Variants in WDPCP observed in about 807,000 individuals in gnomAD.
WDPCP encodes the protein WD repeat-containing and planar cell polarity effector protein fritz homolog.
WDPCP carries 71 observed loss-of-function variants against 93.1 expected under a neutral mutation model. The observed-to-expected ratio is 0.76, with a 90% CI of 0.63 to 0.93. The LOEUF is 0.93. Among genes scored for constraint, WDPCP ranks in the 40% least tolerant of loss-of-function variants. The probability of loss-of-function intolerance (pLI) is 0.00; values close to 1 mark genes in which losing one functional copy is unlikely to be tolerated. For synonymous variants in WDPCP, 315 were observed against 315.0 expected (o/e 1.00, Z 0.00); for missense variants, 844 against 887.4 (o/e 0.95, Z 0.62).
chr2:63,811,279 A>G (rs545484540), intron 2 of WDPCP, among the ~76,000 whole-genome samples: 6 of 152,326 alleles, frequency 3.9e-5, no homozygotes, highest in African/African-American at 1.4e-4. Flanking sequence ...TATAACTAAT[A>G]AAATACGGCA....
chr2:63,468,257 C>G (rs1230156113), intron 6 of WDPCP, among the ~76,000 whole-genome samples: 1 of 152,180 alleles, frequency 6.6e-6, no homozygotes, highest in Non-Finnish European at 1.5e-5. Flanking sequence ...TCTTCATCAT[C>G]TTTCACATCT....
intron 12 of WDPCP, among the ~76,000 whole-genome samples, chr2:63,351,462 G>A (rs555943202): frequency 1.5e-4 from 23 of 151,736 alleles, no homozygotes; most frequent in African/African-American, 3.6e-4. Flanking sequence ...AGTGTCTGTC[G>A]TTCCCATATT....
Position 63,518,847 on chromosome 2 carries a change from T to A in WDPCP, c.76-25907A>T, listed in dbSNP as rs575151860. On this transcript the variant is annotated intron_variant, in intron 1 of 17. Transcript: ENST00000272321. ...TGCAGGGGCAAACTGGATCTGACCATTAGAGCACTCCAGCAGAGCGGCCCC... is the reference window on the plus strand; with the variant it reads ...TGCAGGGGCAAACTGGATCTGACCAATAGAGCACTCCAGCAGAGCGGCCCC... The A allele has an allele frequency of 1.5e-4, 23 of 152,422 alleles. No homozygotes were observed. In the East Asian group the frequency reaches 4.3e-3, roughly 28 times the overall value. The allele number at this position is 152,422 out of a possible 1,614,324, so 9.4% of individuals were successfully genotyped here. A position where few individuals can be genotyped will look rare whatever the true frequency, so the allele number is the denominator to read the frequency against.
At chr2:63,702,697 C>A (rs1332794878) in intron 2 of WDPCP, among the ~76,000 whole-genome samples, 1 of 149,668 alleles carries the variant, frequency 6.7e-6, no homozygotes, top group Non-Finnish European at 1.5e-5. Context: ...ACCACCACAT[C>A]CAGCTAATTT....
chr2:63,389,508 C>A (rs954004184), intron 10 of WDPCP, among the ~76,000 whole-genome samples: 1 of 152,028 alleles, frequency 6.6e-6, no homozygotes, highest in African/African-American at 2.4e-5. Flanking sequence ...GCAAAATAAC[C>A]AGCTAACATC....
intron 2 of WDPCP, among the ~76,000 whole-genome samples, chr2:63,727,279 C>T (rs1669507196): frequency 6.6e-6 from 1 of 152,044 alleles, no homozygotes; most frequent in Non-Finnish European, 1.5e-5. Context: ...TTATTGAAAG[C>T]CTTTTCTGAG....
At chr2:63,277,427 G>A (rs1683173151) in intron 13 of WDPCP, among the ~76,000 whole-genome samples, 1 of 152,146 alleles carries the variant, frequency 6.6e-6, no homozygotes, top group Non-Finnish European at 1.5e-5. Flanking sequence ...AATGTAAATG[G>A]CCTAAATGCT....
chr2:63,678,341 C>T (rs770234053), intron 2 of WDPCP, among the ~76,000 whole-genome samples: 24 of 152,174 alleles, frequency 1.6e-4, no homozygotes, highest in Non-Finnish European at 2.6e-4. Flanking sequence ...CCCAAAACCA[C>T]ATATCAAACT....
chr2:63,123,723 C>T (rs143072073), intron 17 of WDPCP, among the ~76,000 whole-genome samples: 1 of 151,942 alleles, frequency 6.6e-6, no homozygotes, highest in East Asian at 1.9e-4. Flanking sequence ...AAAACATAAT[C>T]ATTAAATAAA....
rs983006311 is a variant in WDPCP at position 63,682,688 on chromosome 2, G to A, written n.309-31850C>T. Reference sequence around the variant, plus strand: ...AGATATAAATATCCAAGTACAAGAAGCTTATAGAACACCAAGCAGATTTAA... The same window carrying A: ...AGATATAAATATCCAAGTACAAGAAACTTATAGAACACCAAGCAGATTTAA... On this transcript the variant is annotated intron_variant and non_coding_transcript_variant, in intron 2 of 4. Coordinates refer to the WDPCP transcript ENST00000467687. Among the ~76,000 whole-genome samples, 7 of 151,996 alleles carry A rather than the reference G, an allele frequency of 4.6e-5. 1 individual carries two copies. Among genetic ancestry groups the A allele is most frequent in the Admixed American group, 3.3e-4 (5 of 15,248 alleles).
At chr2:63,715,094 C>G (rs768494888) in intron 2 of WDPCP, among the ~76,000 whole-genome samples, 1 of 152,120 alleles carries the variant, frequency 6.6e-6, no homozygotes, top group Non-Finnish European at 1.5e-5. Context: ...TGAAATATCC[C>G]GAATAGGTAA....
chr2:63,464,432 G>A (rs185833932), intron 6 of WDPCP, among the ~76,000 whole-genome samples: 1 of 152,204 alleles, frequency 6.6e-6, no homozygotes, highest in African/African-American at 2.4e-5. Flanking sequence ...TGCACTCCTG[G>A]TGAGATTGTA....
At chr2:63,223,170 A>G (rs1188456931) in intron 14 of WDPCP, among the ~76,000 whole-genome samples, 1 of 152,150 alleles carries the variant, frequency 6.6e-6, no homozygotes, top group African/African-American at 2.4e-5. Flanking sequence ...CTATTTGACG[A>G]AACAACTCAC....
intron 2 of WDPCP, among the ~76,000 whole-genome samples, chr2:63,734,435 T>C (rs1669610617): frequency 6.6e-6 from 1 of 152,180 alleles, no homozygotes; most frequent in Non-Finnish European, 1.5e-5. Flanking sequence ...GTTATCTACA[T>C]CTAACTTTCC....
chr2:63,208,752 T>C (rs1382099887), intron 14 of WDPCP, among the ~76,000 whole-genome samples: 1 of 152,214 alleles, frequency 6.6e-6, no homozygotes, highest in Admixed American at 6.5e-5. Flanking sequence ...CTTCCGTGTG[T>C]TTCTCCCATG....
intron 2 of WDPCP, among the ~76,000 whole-genome samples, chr2:63,757,689 C>T (rs776296386): frequency 6.6e-6 from 1 of 152,130 alleles, no homozygotes; most frequent in Non-Finnish European, 1.5e-5. Context: ...CTTTCCTGCC[C>T]CTTGAAGTTA....
chr2:63,527,967 C>G (rs1462312865), intron 1 of WDPCP, among the ~76,000 whole-genome samples: 1 of 152,032 alleles, frequency 6.6e-6, no homozygotes, highest in African/African-American at 2.4e-5. Context: ...TCTCTGATGG[C>G]CAGTGACAAT....
chr2:63,683,117 G>C (rs1424178477), intron 2 of WDPCP, among the ~76,000 whole-genome samples: 1 of 152,008 alleles, frequency 6.6e-6, no homozygotes, highest in African/African-American at 2.4e-5. Context: ...AAGCAAGATA[G>C]TAAATAATAC....
At chr2:63,229,052 G>A (rs1678585080) in intron 14 of WDPCP, 1 of 152,166 alleles carries the variant, frequency 6.6e-6, no homozygotes, top group South Asian at 2.1e-4. Flanking sequence ...CCCACCAACA[G>A]TGTAAAAGTG....
Sources: gnomAD v4.1 joint callset for allele counts (sites outside exome capture counted in the v4.1 genomes callset) on GRCh38, gnomAD v4.1.1 for gene constraint, MANE v1.5 for transcripts, NCBI Gene and HGNC (gene_info 2026-07-23, HGNC 2026-07-21) for gene names.